GOLGA5: variants seen among roughly 807,000 people sequenced by gnomAD.
GOLGA5 encodes the protein golgin A5.
A neutral mutation model predicts 93.5 loss-of-function variants in GOLGA5; 50 were observed. That is an observed-to-expected ratio of 0.53 (90% CI 0.43 to 0.68). The LOEUF is 0.68. Ranked by LOEUF, GOLGA5 falls within the 30% of genes least tolerant of loss-of-function variation. GOLGA5 has a pLI of 0.00. For synonymous variants in GOLGA5, 312 were observed against 304.5 expected (o/e 1.02, Z -0.26); for missense variants, 760 against 856.4 (o/e 0.89, Z 1.40).
chr14:92,801,574 C>T (rs1323334324), intron 2 of GOLGA5, among the ~76,000 whole-genome samples: 2 of 152,042 alleles, frequency 1.3e-5, no homozygotes, highest in African/African-American at 4.8e-5. Flanking sequence ...TTTTTCCCCT[C>T]CCCTCTGTCT....
intron 4 of GOLGA5, 77 bp from the exon 5 acceptor site, chr14:92,810,177 A>G: frequency 1.0e-6 from 1 of 984,530 alleles, no homozygotes; most frequent in Non-Finnish European, 1.5e-6. Flanking sequence ...ACTAAAGCTG[A>G]CGCTCTAAAA....
At chr14:92,837,563 ATTTTT>A (rs1308023929) in intron 12 of GOLGA5, 114 bp downstream of exon 12, 3 of 646,344 alleles carry the variant, frequency 4.6e-6, no homozygotes, top group Non-Finnish European at 8.3e-6. Context: ...CAATCAATCA[ATTTTT>A]TTTTGTTTTT....
At chr14:92,812,873 A>G (rs998937699) in intron 6 of GOLGA5, among the ~76,000 whole-genome samples, 3 of 152,040 alleles carry the variant, frequency 2.0e-5, no homozygotes, top group Non-Finnish European at 4.4e-5. Context: ...CTTACCTTGC[A>G]CTGCTGTATG....
rs1470437185 is a variant in GOLGA5, at chr14:92,806,646, C to T, written c.545-90C>T. On this transcript the variant is annotated intron_variant, in intron 2 of 12. Coordinates refer to ENST00000163416, the MANE Select transcript of GOLGA5 (RefSeq NM_005113.4). ...ACTTTTTATGGTGTTTTAGCTGTAGCAGTCAACTTGAGCATCCTACCAAAG... is the reference window on the plus strand; with the variant it reads ...ACTTTTTATGGTGTTTTAGCTGTAGTAGTCAACTTGAGCATCCTACCAAAG... 4.8e-6 allele frequency: 4 copies of T among 825,754 alleles called. No individual in the cohort carries two copies. In the African/African-American group the frequency reaches 6.7e-5, roughly 14 times the overall value. 51.2% of individuals were successfully genotyped at this position (825,754 alleles called of 1,614,324 possible).
chr14:92,802,701 TTTAATA>T (rs2140313746), intron 2 of GOLGA5, among the ~76,000 whole-genome samples: 2 of 151,138 alleles, frequency 1.3e-5, no homozygotes, highest in East Asian at 3.9e-4. Flanking sequence ...GTTTTTCTTC[TTTAATA>T]TTAATATAGT....
At chr14:92,827,878 G>A (rs1310898224) in intron 9 of GOLGA5, among the ~76,000 whole-genome samples, 2 of 152,212 alleles carry the variant, frequency 1.3e-5, no homozygotes, top group African/African-American at 2.4e-5. Flanking sequence ...CCCTTAAGCC[G>A]AAGCCTAATC....
At chr14:92,811,802 T>C in intron 6 of GOLGA5, 48 bp downstream of exon 6, 1 of 1,338,504 alleles carries the variant, frequency 7.5e-7, no homozygotes, top group South Asian at 1.2e-5. Context: ...GCAAGTTAAC[T>C]GAAAGGCAAT....
At chr14:92,828,204 T>C (rs143472427) in intron 9 of GOLGA5, among the ~76,000 whole-genome samples, 484 of 152,292 alleles carry the variant, frequency 3.2e-3, no homozygotes, top group Middle Eastern at 0.014. Flanking sequence ...AGAGGAGAAG[T>C]CACTGCCTGG....
chr14:92,828,816 A>C (rs1320886924), intron 9 of GOLGA5, among the ~76,000 whole-genome samples: 2 of 152,132 alleles, frequency 1.3e-5, no homozygotes, highest in Non-Finnish European at 2.9e-5. Flanking sequence ...TTACAGGTGC[A>C]TGCCAGCACA....
intron 10 of GOLGA5, among the ~76,000 whole-genome samples, chr14:92,834,150 T>G (rs1184480500): frequency 1.3e-5 from 2 of 151,114 alleles, no homozygotes; most frequent in African/African-American, 4.9e-5. Flanking sequence ...TTCTGTGATT[T>G]TTTTAAGGGT....
chr14:92,837,788 T>G (rs1435981812), intron 12 of GOLGA5, among the ~76,000 whole-genome samples: 1 of 152,132 alleles, frequency 6.6e-6, no homozygotes, highest in East Asian at 1.9e-4. Flanking sequence ...AGTCTCAAAC[T>G]TCTGGGCTCG....
intron 2 of GOLGA5, among the ~76,000 whole-genome samples, chr14:92,803,843 T>C (rs1470641627): frequency 6.6e-6 from 1 of 152,216 alleles, no homozygotes; most frequent in Non-Finnish European, 1.5e-5. Flanking sequence ...TGCCTGCTTT[T>C]TAAAACAGCT....
chr14:92,802,113 T>G (rs1436314580), intron 2 of GOLGA5, among the ~76,000 whole-genome samples: 1 of 152,220 alleles, frequency 6.6e-6, no homozygotes, highest in African/African-American at 2.4e-5. Context: ...ATAGACAGTT[T>G]GGTGAGAGTC....
At chr14:92,808,985 T>C (rs1885048776) in intron 3 of GOLGA5, among the ~76,000 whole-genome samples, 1 of 152,234 alleles carries the variant, frequency 6.6e-6, no homozygotes. Flanking sequence ...TCCCTGTCAC[T>C]AGCAGAACTT....
In GOLGA5 at chr14:92,799,443, A is replaced by ATTTT. The variant is rs386382181; in HGVS notation, c.544+1475_544+1478dup. Among the ~76,000 whole-genome samples the ATTTT allele has an allele frequency of 3.2e-3, 422 of 131,240 alleles. 12 individuals carry two copies. The South Asian group carries it at 0.053, about 16-fold the overall frequency. The allele number at this position is 131,240 out of a possible 152,430, so 86.1% of individuals were successfully genotyped here. On this transcript the variant is annotated intron_variant, in intron 2 of 12. Transcript: ENST00000163416. ...AGGCGCCTGCCATCACGCCTGGCTA[A>ATTTT]TTTTTTTTTTTTTTTTGTATTTTTA...
intron 2 of GOLGA5, among the ~76,000 whole-genome samples, chr14:92,805,203 A>T (rs1884959489): frequency 6.6e-6 from 1 of 151,956 alleles, no homozygotes; most frequent in Admixed American, 6.6e-5. Context: ...CAGTGCTCTG[A>T]TTTTTCTCTC....
chr14:92,811,526 A>G lies in GOLGA5; in HGVS notation c.1117-25A>G, dbSNP rs755174731. 5.1e-6 allele frequency: 7 copies of G among 1,380,592 alleles called. No homozygotes were observed. The African/African-American group carries it at 1.0e-4, about 20-fold the overall frequency. 85.5% of individuals were successfully genotyped at this position (1,380,592 alleles called of 1,614,324 possible). ...GTTTCAAAGCTAAATGATATCATTA[A>G]TTATGATATAAAAATTTGTCACAGA... On this transcript the variant is annotated intron_variant, in intron 5 of 12. Transcript: ENST00000163416.
rs540502154 is a variant in GOLGA5, at chr14:92,820,133, C to G, written c.1620+297C>G. Among the ~76,000 whole-genome samples, 358 of 152,298 alleles carry G rather than the reference C, an allele frequency of 2.4e-3. 1 individual carries two copies. Among genetic ancestry groups the G allele is most frequent in the African/African-American group, 8.3e-3 (343 of 41,568 alleles). On this transcript the variant is annotated intron_variant, in intron 8 of 12. Transcript: ENST00000163416. ...AGCATACGGAGGACCTTCACCGGCA[C>G]CGGTCTCTGCGTTCCCTCAGTATTT... is the stretch of plus-strand genomic sequence containing the variant.
intron 9 of GOLGA5, among the ~76,000 whole-genome samples, chr14:92,827,674 C>T (rs1242509071): frequency 6.6e-6 from 1 of 152,158 alleles, no homozygotes; most frequent in Admixed American, 6.5e-5. Context: ...GAAGGCATGT[C>T]AAAAGGCAAG....
Sources: gnomAD v4.1 joint callset for allele counts (sites outside exome capture counted in the v4.1 genomes callset) on GRCh38, gnomAD v4.1.1 for gene constraint, MANE v1.5 for transcripts, NCBI Gene and HGNC (gene_info 2026-07-23, HGNC 2026-07-21) for gene names.